Variants in POLA1 observed in about 807,000 individuals in gnomAD.
POLA1 encodes the protein DNA polymerase alpha catalytic subunit.
Under a neutral mutation model 124.0 loss-of-function variants are expected in POLA1, and 15 were observed. The observed-to-expected ratio is 0.12, with a 90% confidence interval of 0.08 to 0.19. POLA1 has a LOEUF of 0.19. Among genes scored for constraint, POLA1 ranks in the 10% least tolerant of loss-of-function variants. The pLI is 1.00. For synonymous variants in POLA1, 408 were observed against 389.4 expected, an observed-to-expected ratio of 1.05 and a Z score of -0.56; for missense variants, 886 against 1,103.4, an observed-to-expected ratio of 0.80 and a Z score of 2.79.
At chrX:24,903,230 A>G (rs912262489) in intron 35 of POLA1, among the ~76,000 whole-genome samples, 2 of 113,108 alleles carry the variant, frequency 1.8e-5, no homozygotes, top group Admixed American at 1.9e-4. Context: ...TATCAATGGC[A>G]CTGGAATAAA....
chrX:24,743,197 G>A (rs780459667), intron 22 of POLA1, 33 bp from the exon 23 acceptor site: 18 of 722,609 alleles, frequency 2.5e-5, no homozygotes, highest in Admixed American at 2.2e-4. Flanking sequence ...ATTAGTTGCT[G>A]GCTGGTGAAG....
chrX:24,799,033 C>T (rs893400067), intron 26 of POLA1, among the ~76,000 whole-genome samples: 21 of 111,466 alleles, frequency 1.9e-4, no homozygotes, highest in African/African-American at 6.5e-4. Flanking sequence ...TTTAAGAGGC[C>T]GTCTAGAAAG....
At chrX:24,874,279 TAAGTA>T (rs2046904183) in intron 34 of POLA1, among the ~76,000 whole-genome samples, 1 of 112,536 alleles carries the variant, frequency 8.9e-6, no homozygotes, top group Admixed American at 9.4e-5. Flanking sequence ...TCTGTGATTC[TAAGTA>T]AAGCACATAT....
At chrX:24,716,538 C>T (rs1430891773) in intron 7 of POLA1, 84 bp downstream of exon 7, 15 of 522,112 alleles carry the variant, frequency 2.9e-5, no homozygotes, top group Non-Finnish European at 3.9e-5. Context: ...GAGGGAAATA[C>T]CTTTACATTT....
intron 26 of POLA1, among the ~76,000 whole-genome samples, chrX:24,805,923 T>C (rs1165243268): frequency 1.8e-5 from 2 of 110,573 alleles, no homozygotes; most frequent in Non-Finnish European, 3.8e-5. Context: ...TTGTAATCAT[T>C]GTACCTTGTG....
In POLA1 at chrX:24,971,212, T is replaced by C. The variant is rs139141142; in HGVS notation, c.4262-24593T>C. On this transcript the variant is annotated intron_variant, in intron 36 of 36. Coordinates refer to ENST00000379068, the MANE Select transcript of POLA1 (RefSeq NM_001330360.2). ...TCAGAAGGGTGAGCACAGGACAGTG[T>C]CGATGGGTCTGTTCAATCTTGAACC... Among the ~76,000 whole-genome samples the C allele has an allele frequency of 8.4e-3, 937 of 112,019 alleles. 4 individuals carry two copies. The highest frequency in any genetic ancestry group is 0.011 in the Non-Finnish European group (607 of 53,206).
chrX:24,733,993 A>G (rs1012476520), intron 17 of POLA1, 177 bp downstream of exon 17: 2 of 318,064 alleles, frequency 6.3e-6, no homozygotes, highest in African/African-American at 2.7e-5. Flanking sequence ...ATTATTTAAC[A>G]ATGTTTAAAT....
intron 32 of POLA1, among the ~76,000 whole-genome samples, chrX:24,831,170 C>G (rs5986353): frequency 9.0e-6 from 1 of 111,185 alleles, no homozygotes; most frequent in Non-Finnish European, 1.9e-5. Context: ...GTAATATCAT[C>G]TAAGAAATAA....
chrX:24,849,413 A>C (rs1295875956), intron 34 of POLA1, among the ~76,000 whole-genome samples: 1 of 112,608 alleles, frequency 8.9e-6, no homozygotes, highest in African/African-American at 3.2e-5. Flanking sequence ...AACATAAATG[A>C]ATGTCAGGGA....
intron 27 of POLA1, among the ~76,000 whole-genome samples, 173 bp downstream of exon 27, chrX:24,810,103 A>G (rs951526872): frequency 8.9e-6 from 1 of 111,812 alleles, no homozygotes; most frequent in Admixed American, 9.5e-5. Flanking sequence ...CAGTGCTGAT[A>G]TGATCTAGCC....
At chrX:24,777,562 C>A (rs997225659) in intron 26 of POLA1, among the ~76,000 whole-genome samples, 4 of 112,450 alleles carry the variant, frequency 3.6e-5, no homozygotes, top group Admixed American at 9.4e-5. Context: ...ACCATCTTAA[C>A]CATTTTTAAG....
chrX:24,719,225 C>T (rs964773950), intron 10 of POLA1, among the ~76,000 whole-genome samples: 1 of 109,952 alleles, frequency 9.1e-6, no homozygotes, highest in African/African-American at 3.3e-5. Context: ...AAATTGAAGG[C>T]CACATTTACC....
intron 30 of POLA1, among the ~76,000 whole-genome samples, chrX:24,820,753 T>G (rs1326058099): frequency 2.8e-5 from 3 of 108,883 alleles, no homozygotes; most frequent in African/African-American, 1.0e-4. Flanking sequence ...GTAGAGAGTC[T>G]TCCACTAATA....
intron 4 of POLA1, among the ~76,000 whole-genome samples, chrX:24,704,819 T>C (rs1928690206): frequency 8.9e-6 from 1 of 112,277 alleles, no homozygotes; most frequent in South Asian, 3.7e-4. Context: ...ATACTTAGAA[T>C]TTTAGCTCTT....
At chrX:24,936,737 TAGTC>T (rs2047853734) in intron 36 of POLA1, among the ~76,000 whole-genome samples, 1 of 111,477 alleles carries the variant, frequency 9.0e-6, no homozygotes, top group Non-Finnish European at 1.9e-5. Context: ...TTCACCGCGT[TAGTC>T]AGGATGGTCT....
intron 35 of POLA1, among the ~76,000 whole-genome samples, chrX:24,927,140 C>G (rs1273364713): frequency 5.4e-5 from 6 of 110,402 alleles, no homozygotes; most frequent in African/African-American, 1.7e-4. Context: ...ACCCAGCTAT[C>G]AGTACTTTTT....
chrX:24,993,276 C>T lies in POLA1; in HGVS notation c.4262-2529C>T, dbSNP rs1801617381. Among the ~76,000 whole-genome samples the T allele has an allele frequency of 2.7e-5, 3 of 112,184 alleles. No homozygotes were observed. The South Asian group carries it at 1.1e-3, about 43-fold the overall frequency. ...CCTCCCCGATCTCGACAAAGGTTGG[C>T]TTTGTGGTGCTGGTGGCGGAGACAG... On this transcript the variant is annotated intron_variant, in intron 36 of 36. Coordinates refer to ENST00000379068, the MANE Select transcript of POLA1 (RefSeq NM_001330360.2).
At chrX:24,779,054 C>T (rs761740247) in intron 26 of POLA1, among the ~76,000 whole-genome samples, 1 of 111,290 alleles carries the variant, frequency 9.0e-6, no homozygotes, top group African/African-American at 3.3e-5. Context: ...AATCCAGGAA[C>T]TGATTAGACA....
chrX:24,817,607 CAAAAAAA>C (rs1171262514), intron 30 of POLA1, among the ~76,000 whole-genome samples: 14 of 33,479 alleles, frequency 4.2e-4, no homozygotes, highest in Middle Eastern at 0.015. Flanking sequence ...GATTCCATCT[CAAAAAAA>C]AAAAAAAAAA....
Sources: gnomAD v4.1 joint callset for allele counts (sites outside exome capture counted in the v4.1 genomes callset) on GRCh38, gnomAD v4.1.1 for gene constraint, MANE v1.5 for transcripts, NCBI Gene and HGNC (gene_info 2026-07-23, HGNC 2026-07-21) for gene names.